The following APC2 variants were observed in gnomAD, a reference collection of about 807,000 sequenced individuals.
APC2 encodes adenomatous polyposis coli protein 2.
A neutral mutation model predicts 72.5 loss-of-function variants in APC2; 41 were observed. The ratio of observed to expected loss-of-function variants is 0.57; its 90% CI spans 0.44 to 0.73. The LOEUF is 0.73. Among genes scored for constraint, APC2 ranks in the 30% least tolerant of loss-of-function variants. The pLI, the probability that APC2 is intolerant of heterozygous loss-of-function variation, is 0.00. For missense variants in APC2, 3,729 were observed against 3,403.4 expected (o/e 1.10, Z -2.38); for synonymous variants, 1,898 against 1,612.0 (o/e 1.18, Z -4.25).
intron 10 of APC2, 68 bp downstream of exon 10, chr19:1,458,128 T>A: frequency 7.1e-7 from 1 of 1,402,966 alleles, no homozygotes; most frequent in Non-Finnish European, 9.8e-7. Context: ...CCTCGGCCGC[T>A]AAAGGGACAC....
rs747767664 is a variant in APC2, at chr19:1,465,731, C to A, written c.2430C>A (p.Phe810Leu). ...TGTCCCTCTTCCTGGGCAGCCCCTT[C>A]CTGCAGGGGCAGGCGCTGGCTCGCA... ...AALSLFLGSP[F>L]LQGQALARTP... is the part of the protein sequence containing the mutation. Residue 810 changes from phenylalanine to leucine, a missense_variant, in exon 15 of 15, where the codon TTC becomes TTA. Coordinates refer to ENST00000590469, the MANE Select transcript of APC2 (RefSeq NM_005883.3). 28 of 1,552,392 alleles carry A rather than the reference C, an allele frequency of 1.8e-5. 2 individuals are homozygous for A. In the South Asian group the frequency reaches 3.3e-4, roughly 18 times the overall value.
intron 1 of APC2, chr19:1,451,875 G>A (rs1437417489): frequency 2.0e-5 from 3 of 152,538 alleles, no homozygotes; most frequent in African/African-American, 7.2e-5. Context: ...ACATTTGGGT[G>A]GGAGGGGAGG....
rs185503053 is a variant in APC2 at position 1,460,241 on chromosome 19, G to A, written c.1364G>A (p.Arg455Gln). 3.9e-5 allele frequency: 63 copies of A among 1,613,550 alleles called. No individual in the cohort carries two copies. The Middle Eastern group carries it at 6.6e-4, about 17-fold the overall frequency. ...GACTATGAGATGCACAAGATGACCC[G>A]GGACCCGCTGAACCTGGCGCTGCGC... is the stretch of plus-strand genomic sequence containing the variant. ...QVDYEMHKMT[R>Q]DPLNLALRRY... Residue 455 changes from arginine to glutamine, a missense_variant, in exon 11 of 15, where the codon CGG becomes CAG. Arg to Gln is a conservative substitution (Grantham distance 43). Coordinates refer to ENST00000590469, the MANE Select transcript of APC2 (RefSeq NM_005883.3).
In APC2 at chr19:1,468,141, G is replaced by A. The variant is rs1273707358; in HGVS notation, c.4840G>A (p.Gly1614Ser). 8.7e-6 allele frequency: 13 copies of A among 1,491,662 alleles called. No individual in the cohort carries two copies. The highest frequency in any genetic ancestry group is 1.3e-5 in the South Asian group (1 of 79,534). 92.4% of individuals were successfully genotyped at this position (1,491,662 alleles called of 1,614,324 possible). ...PAVTKDPGPG[G>S]GRDSSPSPRA... ...GGTCACCAAGGACCCGGGCCCAGGA[G>A]GCGGACGCGACAGCTCGCCCAGCCC... The change falls in exon 15 of 15, where the codon GGC becomes AGC. Residue 1614 changes from glycine (G) to serine (S), a missense_variant. Physicochemically the swap from Gly to Ser is moderately conservative, Grantham distance 56. Transcript: ENST00000590469.
At chr19:1,456,470 T>C in intron 8 of APC2, 66 bp downstream of exon 8, 1 of 1,445,258 alleles carries the variant, frequency 6.9e-7, no homozygotes, top group Non-Finnish European at 9.3e-7. Context: ...CAGGTCTGCA[T>C]CCTCGCCAGT....
chr19:1,453,350 G>A lies in APC2; in HGVS notation c.232+13G>A, dbSNP rs1460284181. On this transcript the variant is annotated intron_variant, in intron 3 of 14. Coordinates refer to ENST00000590469, the MANE Select transcript of APC2 (RefSeq NM_005883.3). ...GAGCAGCTGAAGGGTGAGCGGTGGG[G>A]CCACCCGCAGAGGGAGTGGGGGAGG... 2.5e-6 allele frequency: 4 copies of A among 1,610,058 alleles called. No homozygotes were observed. The highest frequency in any genetic ancestry group is 1.7e-6 in the Non-Finnish European group (2 of 1,178,678).
rs1568178118 is a variant in APC2 at position 1,465,799 on chromosome 19, C to T, written c.2498C>T (p.Thr833Ile). The change falls in exon 15 of 15, where the codon ACC becomes ATC. Residue 833 changes from threonine to isoleucine, a missense_variant. By Grantham distance (89) the Thr-to-Ile change is moderately conservative (BLOSUM62 -1). Transcript: ENST00000590469. ...RRGGKEAEKD[T>I]SGEAAVAAKA... is the part of the protein sequence containing the mutation. ...GGCGGCAAGGAGGCAGAGAAGGACACCAGTGGGGAGGCAGCCGTGGCGGCC... is the reference window on the plus strand; with the variant it reads ...GGCGGCAAGGAGGCAGAGAAGGACATCAGTGGGGAGGCAGCCGTGGCGGCC... The T allele has an allele frequency of 6.3e-7, 1 of 1,582,258 alleles. No individual in the cohort carries two copies. The highest frequency in any genetic ancestry group is 1.1e-5 in the South Asian group (1 of 87,264).
chr19:1,448,538 C>A (rs1300249232), upstream of APC2, among the ~76,000 whole-genome samples: 59 of 121,248 alleles, frequency 4.9e-4, no homozygotes, highest in African/African-American at 1.8e-3. Context: ...AGAGCAAGAC[C>A]CCATCTAAAA....
chr19:1,466,526 G>T lies in APC2; in HGVS notation c.3225G>T (p.Ser1075=), dbSNP rs757504048. 3.1e-6 allele frequency: 5 copies of T among 1,590,998 alleles called. No individual in the cohort carries two copies. The highest frequency in any genetic ancestry group is 4.3e-6 in the Non-Finnish European group (5 of 1,176,318). ...TGTCCCGATGCAGCTCCCTTTCCTC[G>T]CTGTCCTCGGCCGGCCGCCCAGGCC... The part of the protein sequence containing the change: ...LSLSRCSSLS[S]LSSAGRPGPS... The change falls in exon 15 of 15, where the codon TCG becomes TCT. Residue 1075 remains serine, a synonymous_variant. Coordinates refer to ENST00000590469, the MANE Select transcript of APC2 (RefSeq NM_005883.3).
chr19:1,457,387 T>G (rs2083851383), intron 9 of APC2, 144 bp downstream of exon 9: 2 of 1,223,164 alleles, frequency 1.6e-6, no homozygotes, highest in Non-Finnish European at 2.2e-6. Context: ...CCGAGGCCTG[T>G]GGGGGCATTT....
At chr19:1,464,481 A>G (rs895477223) in intron 14 of APC2, among the ~76,000 whole-genome samples, 6 of 151,990 alleles carry the variant, frequency 3.9e-5, no homozygotes, top group Non-Finnish European at 7.4e-5. Context: ...GCTTGAGCCC[A>G]GGAGTTGGAG....
chr19:1,469,545 T>C lies in APC2; in HGVS notation c.6244T>C (p.Ser2082Pro). Residue 2082 changes from serine to proline, a missense_variant, in exon 15 of 15, where the codon TCC becomes CCC. Transcript: ENST00000590469. ...CCGGCGCACCACCTCCGAGAGCCCGTCCCGCCTGCCTGTGCGCGCGCCCGC... is the reference window on the plus strand; with the variant it reads ...CCGGCGCACCACCTCCGAGAGCCCGCCCCGCCTGCCTGTGCGCGCGCCCGC... ...PARRTTSESP[S>P]RLPVRAPAAR... 1 of 1,214,076 alleles carries C rather than the reference T, an allele frequency of 8.2e-7. No homozygotes were observed. Among genetic ancestry groups the C allele is most frequent in the African/African-American group, 1.6e-5 (1 of 61,028 alleles). The allele number at this position is 1,214,076 out of a possible 1,614,324, so 75.2% of individuals were successfully genotyped here. A position where few individuals can be genotyped will look rare whatever the true frequency, so the allele number is the denominator to read the frequency against.
rs779113355 is a variant in APC2 at position 1,467,866 on chromosome 19, C to T, written c.4565C>T (p.Ala1522Val). Residue 1522 changes from alanine (A) to valine (V), a missense_variant, in exon 15 of 15, where the codon GCG becomes GTG. Physicochemically the swap from Ala to Val is moderately conservative, Grantham distance 64. Transcript: ENST00000590469. ...TCGGACGAGGAGCCCCCGGCGGCCG[C>T]GCCCACGCCAACCCACCGGCGCACA... ...NDSDEEPPAA[A>V]PTPTHRRTSA... 6.4e-6 allele frequency: 10 copies of T among 1,559,748 alleles called. No homozygotes were observed. The South Asian group carries it at 8.1e-5, about 13-fold the overall frequency.
At chr19:1,446,991 C>G (rs563161519), upstream of APC2, among the ~76,000 whole-genome samples, 2 of 152,148 alleles carry the variant, frequency 1.3e-5, no homozygotes, top group South Asian at 4.2e-4. The surrounding 1 kb of genome is among the most constrained non-coding windows in gnomAD (Gnocchi z 6.1). Context: ...CTAAGGCGCC[C>G]GCAAGAGAAC....
In APC2 at chr19:1,468,707, T is replaced by G. The variant is rs1057216530; in HGVS notation, c.5406T>G (p.Arg1802=). Reference sequence around the variant, plus strand: ...TCTACGTCCCCAGCCCGGCACCCCGTGCCCAGCCCAAAGGGACCCCCGGCC... The same window carrying G: ...TCTACGTCCCCAGCCCGGCACCCCGGGCCCAGCCCAAAGGGACCCCCGGCC... ...TVIYVPSPAP[R]AQPKGTPGPR... is the part of the protein sequence containing the mutation. The change falls in exon 15 of 15, where the codon CGT becomes CGG. Residue 1802 remains arginine, a synonymous_variant. Transcript: ENST00000590469. 2 of 1,532,286 alleles carry G rather than the reference T, an allele frequency of 1.3e-6. No homozygotes were observed. The highest frequency in any genetic ancestry group is 2.8e-5 in the African/African-American group (2 of 72,276). The allele number at this position is 1,532,286 out of a possible 1,614,324, so 94.9% of individuals were successfully genotyped here. A position where few individuals can be genotyped will look rare whatever the true frequency, so the allele number is the denominator to read the frequency against.
At position 1,470,249 on chromosome 19, in the gene APC2, G is replaced by A. The variant is rs1472187573; in HGVS notation, c.*36G>A. The A allele has an allele frequency of 6.5e-7, 1 of 1,530,152 alleles. No homozygotes were observed. 94.8% of individuals were successfully genotyped at this position (1,530,152 alleles called of 1,614,324 possible). Reference sequence around the variant, plus strand: ...CGGCCTTCTGGAACGTTCTCTCCCGGCCCTGCGGCGCGGTCTGGCTGCCCC... The same window carrying A: ...CGGCCTTCTGGAACGTTCTCTCCCGACCCTGCGGCGCGGTCTGGCTGCCCC... On this transcript the variant is annotated 3_prime_UTR_variant, in exon 15 of 15. Coordinates refer to ENST00000590469, the MANE Select transcript of APC2 (RefSeq NM_005883.3).
In APC2 at chr19:1,457,011, G is replaced by A; in HGVS notation, c.975G>A (p.Glu325=). ...PLLLQILHGT[E]AAAGGRAGAP... ...TGCTGCAAATCCTCCACGGCACCGAGGCCGCGGCCGGGGGTCGCGCCGGGG... is the reference window on the plus strand; with the variant it reads ...TGCTGCAAATCCTCCACGGCACCGAAGCCGCGGCCGGGGGTCGCGCCGGGG... The change falls in exon 9 of 15, where the codon GAG becomes GAA. Residue 325 remains glutamate (E), a synonymous_variant. Transcript: ENST00000590469. 1 of 1,529,168 alleles carries A rather than the reference G, an allele frequency of 6.5e-7. No homozygotes were observed. Among genetic ancestry groups the A allele is most frequent in the Non-Finnish European group, 8.7e-7 (1 of 1,144,302 alleles). The allele number at this position is 1,529,168 out of a possible 1,614,324, so 94.7% of individuals were successfully genotyped here.
At chr19:1,457,690 C>G (rs2083857082) in intron 9 of APC2, 2 of 546,038 alleles carry the variant, frequency 3.7e-6, no homozygotes, top group Non-Finnish European at 6.6e-6. Flanking sequence ...AGAGCGAGAC[C>G]CTGTCTCGTC....
chr19:1,470,554 T>C lies in APC2; in HGVS notation c.*341T>C. ...ACCCCGGGCGAGGGAGGCGGTAGCC[T>C]CCGGGTCCGGGTCTGGGTCTGGGTC... On this transcript the variant is annotated 3_prime_UTR_variant, in exon 15 of 15. Coordinates refer to ENST00000590469, the MANE Select transcript of APC2 (RefSeq NM_005883.3). The C allele has an allele frequency of 2.4e-5, 5 of 211,938 alleles. No individual in the cohort carries two copies. The highest frequency in any genetic ancestry group is 2.8e-5 in the Non-Finnish European group (3 of 107,100). The allele number at this position is 211,938 out of a possible 1,614,324, so 13.1% of individuals were successfully genotyped here.
Sources: allele counts gnomAD v4.1 joint callset (sites outside exome capture counted in the v4.1 genomes callset), GRCh38; gene constraint gnomAD v4.1.1; non-coding constraint Gnocchi (gnomAD v3.1); transcripts MANE v1.5; gene names NCBI Gene and HGNC (gene_info 2026-07-23, HGNC 2026-07-21).